IMPA1: variants seen among roughly 807,000 people sequenced by gnomAD.
IMPA1 encodes the protein inositol monophosphatase 1, also known as D-galactose 1-phosphate phosphatase.
A neutral mutation model predicts 34.9 loss-of-function variants in IMPA1; 21 were observed. That is an observed-to-expected ratio of 0.60 (90% CI 0.43 to 0.87). The LOEUF is 0.87. Ranked by LOEUF, IMPA1 falls within the 40% of genes least tolerant of loss-of-function variation. IMPA1 has a pLI of 0.00. For missense variants in IMPA1, 299 were observed against 336.4 expected (o/e 0.89, Z 0.87); for synonymous variants, 95 against 104.4 (o/e 0.91, Z 0.55).
chr8:81,680,333 T>G (rs1232776276), intron 3 of IMPA1, among the ~76,000 whole-genome samples: 1 of 152,180 alleles, frequency 6.6e-6, no homozygotes, highest in East Asian at 1.9e-4. Context: ...TCTCCCTTCC[T>G]GTGCCACCTG....
chr8:81,682,096 A>T (rs552288945), intron 1 of IMPA1, among the ~76,000 whole-genome samples: 6 of 152,306 alleles, frequency 3.9e-5, no homozygotes, highest in Admixed American at 1.3e-4. Context: ...TTCAATTCTG[A>T]TTTTAAAGTC....
intron 7 of IMPA1, among the ~76,000 whole-genome samples, chr8:81,666,869 C>CAAAAAAAA (rs33975606): frequency 2.5e-5 from 1 of 39,340 alleles, no homozygotes; most frequent in Non-Finnish European, 4.9e-5. Context: ...GACTCTGTCT[C>CAAAAAAAA]AAAAAAAAAA....
At chr8:81,659,529 G>T (rs1227343311) in intron 8 of IMPA1, 63 bp from the exon 9 acceptor site, 1 of 908,722 alleles carries the variant, frequency 1.1e-6, no homozygotes, top group Non-Finnish European at 1.8e-6. Flanking sequence ...TATAAAACAA[G>T]TATAGCAATA....
At position 81,659,988 on chromosome 8, in the gene IMPA1, T is replaced by TCA. The variant is rs553636168; in HGVS notation, c.719-523_719-522insTG. On this transcript the variant is annotated intron_variant, in intron 8 of 8. Transcript: ENST00000256108. Reference sequence around the variant, plus strand: ...TTGTCACCATTCAAAGAGCTCTGGGTATAAGCCTCAGACTCGGTGACTGTC... The same window carrying TCA: ...TTGTCACCATTCAAAGAGCTCTGGGTCAATAAGCCTCAGACTCGGTGACTGTC... Among the ~76,000 whole-genome samples, 8 of 152,252 alleles carry TCA rather than the reference T, an allele frequency of 5.3e-5. No individual in the cohort carries two copies. The South Asian group carries it at 1.7e-3, about 32-fold the overall frequency.
At chr8:81,660,468 A>G in intron 8 of IMPA1, 48 bp downstream of exon 8, 1 of 1,564,466 alleles carries the variant, frequency 6.4e-7, no homozygotes, top group Non-Finnish European at 8.8e-7. Context: ...CATATGGACA[A>G]AAGTCCAACA....
intron 7 of IMPA1, among the ~76,000 whole-genome samples, chr8:81,668,808 A>C (rs993480934): frequency 2.0e-5 from 3 of 152,044 alleles, no homozygotes; most frequent in Admixed American, 6.6e-5. Context: ...CATTTAAGAG[A>C]TCTTCAAGGC....
At chr8:81,681,767 C>A (rs1807306877) in intron 1 of IMPA1, among the ~76,000 whole-genome samples, 183 bp from the exon 2 acceptor site, 1 of 152,176 alleles carries the variant, frequency 6.6e-6, no homozygotes, top group African/African-American at 2.4e-5. Flanking sequence ...ATTTCTATAT[C>A]AAATTATTTT....
intron 1 of IMPA1, among the ~76,000 whole-genome samples, chr8:81,684,918 C>CT (rs1193001808): frequency 2.0e-4 from 25 of 127,500 alleles, no homozygotes; most frequent in Non-Finnish European, 3.6e-4. Context: ...TATTTAGATA[C>CT]TATGTATAGT....
intron 6 of IMPA1, among the ~76,000 whole-genome samples, chr8:81,673,220 T>C (rs1215288326): frequency 1.3e-5 from 2 of 152,226 alleles, no homozygotes; most frequent in Non-Finnish European, 2.9e-5. Context: ...TCTGCTCGCC[T>C]GAGACAAATT....
chr8:81,669,114 G>T (rs1293122719), intron 7 of IMPA1, among the ~76,000 whole-genome samples: 1 of 152,170 alleles, frequency 6.6e-6, no homozygotes, highest in Non-Finnish European at 1.5e-5. Context: ...GAACAGACTT[G>T]TCTCAAGGGC....
Position 81,658,688 on chromosome 8 carries a change from T to G in IMPA1, c.*663A>C, listed in dbSNP as rs887122338. On this transcript the variant is annotated 3_prime_UTR_variant, in exon 9 of 9. Coordinates refer to ENST00000256108, the MANE Select transcript of IMPA1 (RefSeq NM_005536.4). ...TGTGAAATGGCATGGTAACGTGAAATAAAAAAAATTTAACTAGATAATTTT... is the reference window on the plus strand; with the variant it reads ...TGTGAAATGGCATGGTAACGTGAAAGAAAAAAAATTTAACTAGATAATTTT... 7 of 152,428 alleles carry G rather than the reference T, an allele frequency of 4.6e-5. No individual in the cohort carries two copies. The highest frequency in any genetic ancestry group is 1.4e-4 in the African/African-American group (6 of 41,400). 9.4% of individuals were successfully genotyped at this position (152,428 alleles called of 1,614,324 possible). A position where few individuals can be genotyped will look rare whatever the true frequency, so the allele number is the denominator to read the frequency against.
At position 81,656,931 on chromosome 8, in the gene IMPA1, A is replaced by G. The variant is rs936717298; in HGVS notation, c.*2420T>C. The stretch of plus-strand genomic sequence containing the variant: ...CAATTTCGTTAAAAGGCAAGTACAT[A>G]TATTTTATGTGTTCAAGTACATATA... On this transcript the variant is annotated 3_prime_UTR_variant, in exon 9 of 9. Coordinates refer to ENST00000256108, the MANE Select transcript of IMPA1 (RefSeq NM_005536.4). 2.0e-5 allele frequency among the ~76,000 whole-genome samples: 3 copies of G among 152,194 alleles called. No homozygotes were observed. The highest frequency in any genetic ancestry group is 7.2e-5 in the African/African-American group (3 of 41,448).
Position 81,679,122 on chromosome 8 carries a change from A to T in IMPA1, c.302+4T>A. 6.4e-7 allele frequency: 1 copy of T among 1,565,628 alleles called. No homozygotes were observed. The highest frequency in any genetic ancestry group is 1.1e-5 in the South Asian group (1 of 90,138). The stretch of plus-strand genomic sequence containing the variant: ...GTAATTATATTAGACATTTTAAAAC[A>T]TACCTATGTACAAAGTTAGTTGTTC... On this transcript the variant is annotated splice_donor_region_variant and intron_variant, in intron 4 of 8. Transcript: ENST00000256108.
intron 1 of IMPA1, chr8:81,685,940 G>A (rs1470077254): frequency 3.9e-6 from 6 of 1,527,280 alleles, no homozygotes; most frequent in Non-Finnish European, 4.4e-6. Flanking sequence ...ACCTGGGCCT[G>A]GGGATGCACC....
intron 5 of IMPA1, among the ~76,000 whole-genome samples, chr8:81,675,634 C>G (rs1295160038): frequency 6.6e-6 from 1 of 152,178 alleles, no homozygotes; most frequent in Non-Finnish European, 1.5e-5. Context: ...TCTTACATAT[C>G]AAAAGTTCCT....
Position 81,679,177 on chromosome 8 carries a change from T to C in IMPA1, c.251A>G (p.Asn84Ser), listed in dbSNP as rs147011930. 8 of 1,613,796 alleles carry C rather than the reference T, an allele frequency of 5.0e-6. No homozygotes were observed. The highest frequency in any genetic ancestry group is 2.7e-5 in the African/African-American group (2 of 74,848). Residue 84 changes from asparagine to serine, a missense_variant, in exon 4 of 9, where the codon AAC (asparagine) becomes AGC (serine). Asn to Ser is a conservative substitution (Grantham distance 46). Coordinates refer to ENST00000256108, the MANE Select transcript of IMPA1 (RefSeq NM_005536.4). Reference protein sequence around the residue: ...AAGEKSILTDNPTWIIDPIDG... With the variant: ...AAGEKSILTDSPTWIIDPIDG... The stretch of plus-strand genomic sequence containing the variant: ...AATAGGGTCAATGATCCATGTGGGG[T>C]TGTCGGTTAAGATACTTTTTTCCCC...
At chr8:81,666,613 C>T (rs1806829516) in intron 7 of IMPA1, among the ~76,000 whole-genome samples, 1 of 152,184 alleles carries the variant, frequency 6.6e-6, no homozygotes, top group Non-Finnish European at 1.5e-5. Flanking sequence ...GTGGCTCACG[C>T]CTGTAATCCC....
In IMPA1 at chr8:81,659,297, T is replaced by G; in HGVS notation, c.*54A>C. The G allele has an allele frequency of 7.5e-6, 7 of 933,922 alleles. No individual in the cohort carries two copies. The highest frequency in any genetic ancestry group is 1.3e-5 in the South Asian group (1 of 77,376). The allele number at this position is 933,922 out of a possible 1,614,324, so 57.9% of individuals were successfully genotyped here. A position where few individuals can be genotyped will look rare whatever the true frequency, so the allele number is the denominator to read the frequency against. On this transcript the variant is annotated 3_prime_UTR_variant, in exon 9 of 9. Transcript: ENST00000256108. ...TACATCCAAAACACATATCCATTGA[T>G]GAGTCACCAAATCTGGGGAAAAGCA...
intron 8 of IMPA1, among the ~76,000 whole-genome samples, chr8:81,659,843 T>G (rs140411784): frequency 6.6e-6 from 1 of 152,212 alleles, no homozygotes; most frequent in Non-Finnish European, 1.5e-5. Flanking sequence ...GGTGAATTCT[T>G]TCAGCACAGA....
Sources: gnomAD v4.1 joint callset for allele counts (sites outside exome capture counted in the v4.1 genomes callset) on GRCh38, gnomAD v4.1.1 for gene constraint, MANE v1.5 for transcripts, NCBI Gene and HGNC (gene_info 2026-07-23, HGNC 2026-07-21) for gene names.